OPHN1: variants seen among roughly 807,000 people sequenced by gnomAD.
OPHN1 encodes the protein oligophrenin 1.
Under a neutral mutation model 60.7 loss-of-function variants are expected in OPHN1, and 11 were observed. That is an observed-to-expected ratio of 0.18 (90% CI 0.11 to 0.30). The LOEUF is 0.30. Among genes scored for constraint, OPHN1 ranks in the 10% least tolerant of loss-of-function variants. OPHN1 has a pLI of 1.00. For synonymous variants in OPHN1, 226 were observed against 222.6 expected (o/e 1.02, Z -0.14); for missense variants, 449 against 611.0 (o/e 0.73, Z 2.80).
intron 2 of OPHN1, among the ~76,000 whole-genome samples, chrX:68,347,732 G>A (rs1271856746): frequency 8.9e-6 from 1 of 111,837 alleles, no homozygotes; most frequent in Non-Finnish European, 1.9e-5. Flanking sequence ...TAGAAGATAT[G>A]AATATTATTC....
intron 2 of OPHN1, among the ~76,000 whole-genome samples, chrX:68,416,067 T>TATATAGAG (rs2078796884): frequency 2.4e-4 from 2 of 8,350 alleles, no homozygotes; most frequent in African/African-American, 4.7e-4. Flanking sequence ...TATATATATA[T>TATATAGAG]AGAGAGAGAG....
intron 2 of OPHN1, among the ~76,000 whole-genome samples, chrX:68,334,678 T>A (rs1282448129): frequency 9.0e-6 from 1 of 111,498 alleles, no homozygotes; most frequent in Non-Finnish European, 1.9e-5. Context: ...AATAAAATAA[T>A]AAATATGAAA....
At chrX:68,121,366 C>T (rs2077149734) in intron 15 of OPHN1, among the ~76,000 whole-genome samples, 1 of 111,802 alleles carries the variant, frequency 8.9e-6, no homozygotes, top group African/African-American at 3.2e-5. Flanking sequence ...AAAAGAGACA[C>T]TGGAATGTGT....
At chrX:68,203,212 G>A (rs972382608) in intron 10 of OPHN1, among the ~76,000 whole-genome samples, 18 of 111,758 alleles carry the variant, frequency 1.6e-4, no homozygotes, top group Non-Finnish European at 3.2e-4. Context: ...CCAAGATCGT[G>A]CCACTGCACT....
upstream of OPHN1, chrX:68,433,748 C>G: frequency 3.4e-6 from 1 of 297,629 alleles, no homozygotes. Context: ...GGCAATGAAA[C>G]GTAGCCTCGC....
intron 18 of OPHN1, among the ~76,000 whole-genome samples, chrX:68,100,836 T>A (rs5919519): frequency 1.9e-5 from 2 of 108,007 alleles, no homozygotes; most frequent in South Asian, 4.1e-4. Flanking sequence ...AACCTCCGCC[T>A]CCCGGGTTCA....
At chrX:68,272,013 TG>T (rs2077972452) in intron 5 of OPHN1, among the ~76,000 whole-genome samples, 1 of 92 alleles carries the variant, frequency 0.011, no homozygotes, top group East Asian at 0.25. Flanking sequence ...CCCTTCCTCC[TG>T]CAACGTCCTC....
intron 2 of OPHN1, among the ~76,000 whole-genome samples, chrX:68,311,978 T>C (rs2078175657): frequency 9.0e-6 from 1 of 111,446 alleles, no homozygotes; most frequent in Admixed American, 9.6e-5. Flanking sequence ...ACAAAACAAA[T>C]GTTAATACAT....
chrX:68,074,322 G>A (rs750846783), intron 19 of OPHN1, among the ~76,000 whole-genome samples: 9 of 111,657 alleles, frequency 8.1e-5, no homozygotes, highest in East Asian at 5.6e-4. Context: ...ATCACAAACC[G>A]TGAGTATATG....
At chrX:68,264,233 A>G (rs1406711651) in intron 5 of OPHN1, among the ~76,000 whole-genome samples, 2 of 111,809 alleles carry the variant, frequency 1.8e-5, no homozygotes, top group African/African-American at 3.2e-5. Context: ...AAGCAATGGC[A>G]ACAAAAGACA....
intron 5 of OPHN1, among the ~76,000 whole-genome samples, chrX:68,266,129 C>T (rs971662721): frequency 1.8e-5 from 2 of 111,327 alleles, no homozygotes; most frequent in East Asian, 5.6e-4. Flanking sequence ...GGAGAACTTC[C>T]CCAATCTAGC....
At chrX:68,306,166 T>C (rs1204059084) in intron 2 of OPHN1, among the ~76,000 whole-genome samples, 1 of 112,197 alleles carries the variant, frequency 8.9e-6, no homozygotes, top group Non-Finnish European at 1.9e-5. Flanking sequence ...GTCTGAGCAT[T>C]GGCCAACTCA....
chrX:68,329,906 G>A (rs1217468390), intron 2 of OPHN1, among the ~76,000 whole-genome samples: 1 of 111,605 alleles, frequency 9.0e-6, no homozygotes. Context: ...AAATCTAACT[G>A]GAGGGCAAGT....
intron 2 of OPHN1, among the ~76,000 whole-genome samples, chrX:68,426,251 G>T: frequency 9.1e-6 from 1 of 110,296 alleles, no homozygotes; most frequent in Non-Finnish European, 1.9e-5. Flanking sequence ...GACCAGCCTG[G>T]TCAGCATGGT....
At chrX:68,388,578 T>A (rs1444284594) in intron 2 of OPHN1, among the ~76,000 whole-genome samples, 1 of 111,246 alleles carries the variant, frequency 9.0e-6, no homozygotes, top group Non-Finnish European at 1.9e-5. Context: ...GAGTGTCTGA[T>A]CAGATGTGTT....
At chrX:68,072,023 GC>G (rs2076936806) in intron 20 of OPHN1, among the ~76,000 whole-genome samples, 1 of 111,982 alleles carries the variant, frequency 8.9e-6, no homozygotes, top group Admixed American at 9.5e-5. Context: ...GACAAGAATT[GC>G]CAATGGATTC....
intron 17 of OPHN1, 67 bp from the exon 18 acceptor site, chrX:68,112,026 C>T: frequency 1.7e-6 from 1 of 603,566 alleles, no homozygotes; most frequent in Non-Finnish European, 2.8e-6. Flanking sequence ...AAAATTCTCA[C>T]ATATATATGC....
At chrX:68,192,571 T>C (rs7879883) in intron 15 of OPHN1, among the ~76,000 whole-genome samples, 11,614 of 110,438 alleles carry the variant, frequency 0.11, 1,516 homozygotes, top group African/African-American at 0.37. Context: ...AAAGAGAAAG[T>C]GGTCAACAAG....
chrX:68,138,668 C>G (rs777356962), intron 15 of OPHN1, among the ~76,000 whole-genome samples: 10 of 112,097 alleles, frequency 8.9e-5, no homozygotes, highest in East Asian at 2.8e-4. Context: ...AATACCTACT[C>G]AAAGACAGAC....
Sources: gnomAD v4.1 joint callset for allele counts (sites outside exome capture counted in the v4.1 genomes callset) on GRCh38, gnomAD v4.1.1 for gene constraint, MANE v1.5 for transcripts, NCBI Gene and HGNC (gene_info 2026-07-23, HGNC 2026-07-21) for gene names.